TTC6: variants seen among roughly 807,000 people sequenced by gnomAD.
TTC6 encodes the protein tetratricopeptide repeat protein 6.
Under a neutral mutation model 210.4 loss-of-function variants are expected in TTC6, and 172 were observed. That is an observed-to-expected ratio of 0.82 (90% CI 0.72 to 0.93). TTC6 has a LOEUF of 0.93. Ranked by LOEUF, TTC6 falls within the 40% of genes least tolerant of loss-of-function variation. The pLI, the probability that TTC6 is intolerant of heterozygous loss-of-function variation, is 0.00. For missense variants in TTC6, 2,414 were observed against 2,318.1 expected (o/e 1.04, Z -0.85); for synonymous variants, 804 against 819.6 (o/e 0.98, Z 0.32).
intron 20 of TTC6, among the ~76,000 whole-genome samples, chr14:37,804,397 T>C (rs982930067): frequency 2.0e-5 from 3 of 152,206 alleles, no homozygotes; most frequent in African/African-American, 7.2e-5. Flanking sequence ...GCCTTTAGAA[T>C]TCAGAAATTT....
In TTC6 at chr14:37,808,780, C is replaced by CA; in HGVS notation, c.4508dup (p.Asn1503LysfsTer2). ...ATTTAACTACAGCTATCAGCATGGA[C>CA]AAAAATAGTTATACAGCATTTTATA... On this transcript the variant is annotated frameshift_variant, in exon 24 of 31. Transcript: ENST00000553443. LOFTEE classifies it high-confidence loss of function. 1 of 1,525,466 alleles carries CA rather than the reference C, an allele frequency of 6.6e-7. No homozygotes were observed. 94.5% of individuals were successfully genotyped at this position (1,525,466 alleles called of 1,614,324 possible). A position where few individuals can be genotyped will look rare whatever the true frequency, so the allele number is the denominator to read the frequency against.
intron 1 of TTC6, among the ~76,000 whole-genome samples, chr14:37,630,728 G>T (rs1190798175): frequency 6.6e-6 from 1 of 151,858 alleles, no homozygotes; most frequent in Non-Finnish European, 1.5e-5. Flanking sequence ...TCTTTTTGTA[G>T]GTCTCTGAGA....
intron 2 of TTC6, among the ~76,000 whole-genome samples, chr14:37,608,968 C>T (rs555795636): frequency 1.3e-5 from 2 of 152,254 alleles, no homozygotes; most frequent in East Asian, 1.9e-4. Flanking sequence ...TTATGCTGCT[C>T]GTTTGAGTCT....
intron 26 of TTC6, among the ~76,000 whole-genome samples, chr14:37,818,122 A>G (rs74048805): frequency 0.044 from 6,626 of 152,238 alleles, 455 homozygotes; most frequent in African/African-American, 0.15. Flanking sequence ...GTAACTAAAT[A>G]TAATACTAAG....
intron 1 of TTC6, among the ~76,000 whole-genome samples, chr14:37,672,877 A>C (rs929146235): frequency 1.4e-5 from 2 of 140,272 alleles, no homozygotes; most frequent in African/African-American, 5.6e-5. Flanking sequence ...TAGGGTAGCT[A>C]TCAGAGAAGT....
intron 29 of TTC6, among the ~76,000 whole-genome samples, chr14:37,832,333 T>TTTTTTTTTTTTTTTTTTTTTTTTTC (rs2096187712): frequency 2.1e-4 from 1 of 4,808 alleles, no homozygotes; most frequent in Non-Finnish European, 1.7e-3. Flanking sequence ...TTCTCTCTTT[T>TTTTTTTTTTTTTTTTTTTTTTTTTC]TTTTTTTTTT....
intron 14 of TTC6, among the ~76,000 whole-genome samples, chr14:37,759,444 T>C (rs1405453902): frequency 6.6e-6 from 1 of 152,158 alleles, no homozygotes; most frequent in Non-Finnish European, 1.5e-5. Flanking sequence ...ATTTTTTCCT[T>C]TGTTTCAGCT....
chr14:37,599,046 A>G (rs1292132446), intron 1 of TTC6, among the ~76,000 whole-genome samples: 1 of 151,862 alleles, frequency 6.6e-6, no homozygotes, highest in East Asian at 2.0e-4. Context: ...CAACTGGGAC[A>G]CGGCTCAGCT....
chr14:37,716,660 C>A (rs1384512432), intron 6 of TTC6, among the ~76,000 whole-genome samples: 1 of 151,968 alleles, frequency 6.6e-6, no homozygotes, highest in Non-Finnish European at 1.5e-5. Flanking sequence ...ATGCATCAGA[C>A]AATAGAACTG....
At chr14:37,650,155 A>T (rs1420363540) in intron 1 of TTC6, among the ~76,000 whole-genome samples, 1 of 152,212 alleles carries the variant, frequency 6.6e-6, no homozygotes, top group South Asian at 2.1e-4. Flanking sequence ...TACCTGGCAC[A>T]GGTGTGCCCC....
chr14:37,784,305 C>A (rs1271149244), intron 14 of TTC6, among the ~76,000 whole-genome samples: 1 of 152,140 alleles, frequency 6.6e-6, no homozygotes, highest in Non-Finnish European at 1.5e-5. Flanking sequence ...CTGGGTGCTC[C>A]TGTATTGGGT....
intron 14 of TTC6, among the ~76,000 whole-genome samples, chr14:37,765,325 A>ATTTT (rs967504305): frequency 1.5e-5 from 2 of 132,940 alleles, no homozygotes. Flanking sequence ...ACCACACCTA[A>ATTTT]TTTTTTTTTT....
chr14:37,720,795 A>T (rs576869727), intron 6 of TTC6, among the ~76,000 whole-genome samples: 3 of 152,308 alleles, frequency 2.0e-5, no homozygotes, highest in Middle Eastern at 6.8e-3. Context: ...AATTATACAA[A>T]TAAAGAATAG....
rs1160981960 is a variant in TTC6 at position 37,808,849 on chromosome 14, A to G, written c.4569+3A>G. 1 of 1,391,332 alleles carries G rather than the reference A, an allele frequency of 7.2e-7. No individual in the cohort carries two copies. The highest frequency in any genetic ancestry group is 1.3e-5 in the South Asian group (1 of 79,814). The allele number at this position is 1,391,332 out of a possible 1,614,324, so 86.2% of individuals were successfully genotyped here. On this transcript the variant is annotated splice_donor_region_variant and intron_variant, in intron 24 of 30. Transcript: ENST00000553443. ...CCAAGATAAGGGAACTTCAAATGGT[A>G]AGATGACCATTTTAGTAAACAATGT...
At chr14:37,709,930 C>T (rs1362021920) in intron 5 of TTC6, among the ~76,000 whole-genome samples, 1 of 152,140 alleles carries the variant, frequency 6.6e-6, no homozygotes, top group African/African-American at 2.4e-5. Context: ...TTTTAAACAA[C>T]ATTCTCTGTA....
At chr14:37,744,142 GA>G (rs1489247606) in intron 10 of TTC6, among the ~76,000 whole-genome samples, 1 of 152,136 alleles carries the variant, frequency 6.6e-6, no homozygotes, top group African/African-American at 2.4e-5. Context: ...CACATAGTAG[GA>G]ATTCAGCAAC....
At chr14:37,622,480 T>C in exon 1 of TTC6, 1 of 1,535,018 alleles carries the variant, frequency 6.5e-7, no homozygotes, top group Non-Finnish European at 8.7e-7. Context: ...CCCCCAGTCA[T>C]CGCCTCGGGG....
intron 14 of TTC6, among the ~76,000 whole-genome samples, chr14:37,770,410 G>A (rs1170296511): frequency 6.6e-6 from 1 of 152,036 alleles, no homozygotes; most frequent in Non-Finnish European, 1.5e-5. Context: ...GGGTGTTAAA[G>A]TCTCCCATTA....
intron 20 of TTC6, among the ~76,000 whole-genome samples, chr14:37,797,757 A>G (rs1227468849): frequency 6.6e-6 from 1 of 151,754 alleles, no homozygotes; most frequent in East Asian, 1.9e-4. Flanking sequence ...ATTCTTCCCT[A>G]TTTTCTTTGG....
Sources: allele counts gnomAD v4.1 joint callset (sites outside exome capture counted in the v4.1 genomes callset), GRCh38; gene constraint gnomAD v4.1.1; transcripts MANE v1.5; gene names NCBI Gene and HGNC (gene_info 2026-07-23, HGNC 2026-07-21).